The following ZDHHC14 variants were observed in gnomAD, a reference collection of about 807,000 sequenced individuals.
The protein encoded by ZDHHC14 is zDHHC palmitoyltransferase 14.
ZDHHC14 carries 16 observed loss-of-function variants against 47.7 expected under a neutral mutation model. The ratio of observed to expected loss-of-function variants is 0.34; its 90% CI spans 0.23 to 0.51. The LOEUF (loss-of-function observed/expected upper bound fraction) is 0.51, where lower values mean the gene tolerates loss of function less well. ZDHHC14 is among the 20% of genes least tolerant of loss of function. The pLI, the probability that ZDHHC14 is intolerant of heterozygous loss-of-function variation, is 0.97. For missense variants in ZDHHC14, 515 were observed against 662.5 expected, an observed-to-expected ratio of 0.78 and a Z score of 2.44; for synonymous variants, 293 against 278.9, an observed-to-expected ratio of 1.05 and a Z score of -0.50.
chr6:157,482,636 G>A (rs1779661698), intron 1 of ZDHHC14, among the ~76,000 whole-genome samples: 1 of 152,104 alleles, frequency 6.6e-6, no homozygotes, highest in African/African-American at 2.4e-5. Flanking sequence ...TTCACAGCCT[G>A]TCCAGGCCCC....
chr6:157,474,206 G>A (rs1270494636), intron 1 of ZDHHC14, among the ~76,000 whole-genome samples: 1 of 152,068 alleles, frequency 6.6e-6, no homozygotes, highest in Non-Finnish European at 1.5e-5. Context: ...GGTCAGGCTG[G>A]TCTCGAATGC....
At chr6:157,504,380 C>A (rs112079845) in intron 1 of ZDHHC14, among the ~76,000 whole-genome samples, 21,200 of 150,032 alleles carry the variant, frequency 0.14, 1,692 homozygotes, top group Non-Finnish European at 0.17. Flanking sequence ...GATCTCCTGA[C>A]CTCGTGATCT....
intron 3 of ZDHHC14, among the ~76,000 whole-genome samples, chr6:157,601,790 G>A (rs1784346083): frequency 6.6e-6 from 1 of 152,232 alleles, no homozygotes; most frequent in Non-Finnish European, 1.5e-5. Flanking sequence ...GTATGTGCAT[G>A]TGTGTAAGTG....
chr6:157,544,839 A>G (rs759055444), intron 2 of ZDHHC14, among the ~76,000 whole-genome samples: 3 of 152,232 alleles, frequency 2.0e-5, no homozygotes, highest in Non-Finnish European at 2.9e-5. Flanking sequence ...AGTTTCTCAG[A>G]ATTCTCCAAA....
At chr6:157,545,893 A>G (rs1215033078) in intron 2 of ZDHHC14, among the ~76,000 whole-genome samples, 2 of 152,202 alleles carry the variant, frequency 1.3e-5, no homozygotes, top group African/African-American at 4.8e-5. Context: ...GAGTAATGGC[A>G]TGGATCTTTT....
intron 2 of ZDHHC14, among the ~76,000 whole-genome samples, chr6:157,557,201 C>T (rs1782512181): frequency 6.6e-6 from 1 of 152,214 alleles, no homozygotes; most frequent in African/African-American, 2.4e-5. Context: ...AGCACAGCCT[C>T]TCGCACGCTG....
At chr6:157,648,399 A>T (rs994350207) in intron 7 of ZDHHC14, among the ~76,000 whole-genome samples, 2 of 152,108 alleles carry the variant, frequency 1.3e-5, no homozygotes, top group Non-Finnish European at 2.9e-5. Context: ...TTTGATTATC[A>T]GCCTCAGTGA....
At chr6:157,623,402 T>TC (rs1785272100) in intron 3 of ZDHHC14, among the ~76,000 whole-genome samples, 1 of 152,096 alleles carries the variant, frequency 6.6e-6, no homozygotes, top group South Asian at 2.1e-4. Context: ...TGTGTTTGCG[T>TC]CCCCTTCCAC....
chr6:157,526,954 A>C (rs1781176835), intron 1 of ZDHHC14, among the ~76,000 whole-genome samples: 1 of 152,090 alleles, frequency 6.6e-6, no homozygotes, highest in African/African-American at 2.4e-5. Flanking sequence ...GGGAGCACTG[A>C]AGGACTTGGG....
chr6:157,614,167 A>G lies in ZDHHC14; in HGVS notation c.566-14182A>G, dbSNP rs1784864604. Among the ~76,000 whole-genome samples the G allele has an allele frequency of 2.6e-5, 4 of 152,316 alleles. No individual in the cohort carries two copies. The South Asian group carries it at 8.3e-4, about 32-fold the overall frequency. ...GGGGGGGCGGGGAGTGCAAAAGGCC[A>G]GGACCCAAGTTCAAGTCCTGTGCCA... On this transcript the variant is annotated intron_variant, in intron 3 of 8. Transcript: ENST00000359775.
chr6:157,593,353 C>T (rs1462474733), intron 3 of ZDHHC14, among the ~76,000 whole-genome samples: 1 of 152,230 alleles, frequency 6.6e-6, no homozygotes, highest in Non-Finnish European at 1.5e-5. Flanking sequence ...CTGCGAGGGC[C>T]TCCCCCAGCA....
chr6:157,432,954 G>C (rs1018122494), intron 1 of ZDHHC14, among the ~76,000 whole-genome samples: 1 of 152,278 alleles, frequency 6.6e-6, no homozygotes, highest in Non-Finnish European at 1.5e-5. Context: ...TGCTGATCAA[G>C]TGGGAAGCAA....
intron 5 of ZDHHC14, among the ~76,000 whole-genome samples, chr6:157,640,350 T>A (rs745338924): frequency 2.0e-5 from 3 of 152,216 alleles, no homozygotes; most frequent in Admixed American, 6.5e-5. Context: ...CCAAGTTGCA[T>A]TCACTGGACA....
At chr6:157,401,904 C>T (rs922981141) in intron 1 of ZDHHC14, among the ~76,000 whole-genome samples, 2 of 151,934 alleles carry the variant, frequency 1.3e-5, no homozygotes, top group African/African-American at 4.8e-5. Context: ...AGATGCGCAC[C>T]TGCTGAGGTC....
At chr6:157,527,580 G>T (rs1045933116) in intron 1 of ZDHHC14, among the ~76,000 whole-genome samples, 2 of 152,180 alleles carry the variant, frequency 1.3e-5, no homozygotes, top group African/African-American at 4.8e-5. Context: ...GAACTGCCCA[G>T]AGTAAGCACT....
intron 4 of ZDHHC14, 43 bp downstream of exon 4, chr6:157,628,529 C>G: frequency 6.3e-7 from 1 of 1,578,132 alleles, no homozygotes; most frequent in East Asian, 2.3e-5. Flanking sequence ...TAACCATTTG[C>G]CTGACTTTGA....
In ZDHHC14 at chr6:157,673,053, G is replaced by A; in HGVS notation, c.1398G>A (p.Leu466=). 2 of 1,567,946 alleles carry A rather than the reference G, an allele frequency of 1.3e-6. No individual in the cohort carries two copies. The highest frequency in any genetic ancestry group is 1.2e-5 in the South Asian group (1 of 86,482). The stretch of plus-strand genomic sequence containing the variant: ...CGCACAGCCGCACCATGCACGTGCT[G>A]GGCCTGGCCAGCCAGGACTCCCTGC... ...PLAHSRTMHV[L]GLASQDSLHE... The change falls in exon 9 of 9, where the codon CTG becomes CTA. Residue 466 remains leucine (L), a synonymous_variant. Transcript: ENST00000359775. This position sits in a 1 kb window ranked among gnomAD's most constrained non-coding sequence, Gnocchi z 5.4.
chr6:157,435,608 T>A (rs895463384), intron 1 of ZDHHC14, among the ~76,000 whole-genome samples: 2 of 152,068 alleles, frequency 1.3e-5, no homozygotes, highest in Admixed American at 1.3e-4. Flanking sequence ...GGTGCAATCA[T>A]GGCTCACTGC....
In ZDHHC14 at chr6:157,624,181, C is replaced by T. The variant is rs557188871; in HGVS notation, c.566-4168C>T. ...TCAGCTTGTGCCTAATTCTTGCCAACTTTCTATCCTGGACACTGAATGACA... is the reference window on the plus strand; with the variant it reads ...TCAGCTTGTGCCTAATTCTTGCCAATTTTCTATCCTGGACACTGAATGACA... On this transcript the variant is annotated intron_variant, in intron 3 of 8. Coordinates refer to ENST00000359775, the MANE Select transcript of ZDHHC14 (RefSeq NM_024630.3). 3.3e-5 allele frequency among the ~76,000 whole-genome samples: 5 copies of T among 152,348 alleles called. No homozygotes were observed. The South Asian group carries it at 1.0e-3, about 32-fold the overall frequency.
Sources: allele counts gnomAD v4.1 joint callset (sites outside exome capture counted in the v4.1 genomes callset), GRCh38; gene constraint gnomAD v4.1.1; non-coding constraint Gnocchi (gnomAD v3.1); transcripts MANE v1.5; gene names NCBI Gene and HGNC (gene_info 2026-07-23, HGNC 2026-07-21).